HLA-DOA: variants seen among roughly 807,000 people sequenced by gnomAD.
HLA-DOA encodes HLA class II histocompatibility antigen, DO alpha chain.
Under a neutral mutation model 22.9 loss-of-function variants are expected in HLA-DOA, and 27 were observed. The observed-to-expected ratio is 1.18, with a 90% CI of 0.87 to 1.62. The LOEUF (loss-of-function observed/expected upper bound fraction) is 1.62. HLA-DOA is among the 40% of genes most tolerant of loss of function. HLA-DOA has a pLI of 0.00. For synonymous variants in HLA-DOA, 137 were observed against 138.6 expected (o/e 0.99, Z 0.08); for missense variants, 324 against 332.4 (o/e 0.97, Z 0.20).
In HLA-DOA at chr6:33,004,512, G is replaced by A. The variant is rs1780734703; in HGVS notation, c.*2326C>T. On this transcript the variant is annotated 3_prime_UTR_variant, in exon 5 of 5. Coordinates refer to ENST00000229829, the MANE Select transcript of HLA-DOA (RefSeq NM_002119.4). The stretch of plus-strand genomic sequence containing the variant: ...TATTTTTCCAGTAATTTAAAGCTGT[G>A]ACTAGGAGACACAGCCTCTGTGGGT... 6.6e-6 allele frequency: 1 copy of A among 152,216 alleles called. No individual in the cohort carries two copies. Among genetic ancestry groups the A allele is most frequent in the East Asian group, 1.9e-4 (1 of 5,198 alleles). 9.4% of individuals were successfully genotyped at this position (152,216 alleles called of 1,614,324 possible).
In HLA-DOA at chr6:33,009,432, ACCCTCCTCG is replaced by A. The variant is rs1376331072; in HGVS notation, c.82+14_82+22del. 1 of 1,542,350 alleles carries A rather than the reference ACCCTCCTCG, an allele frequency of 6.5e-7. No homozygotes were observed. Among genetic ancestry groups the A allele is most frequent in the Admixed American group, 1.9e-5 (1 of 51,394 alleles). On this transcript the variant is annotated intron_variant, in intron 1 of 4. Coordinates refer to ENST00000229829, the MANE Select transcript of HLA-DOA (RefSeq NM_002119.4). The surrounding 1 kb of genome is among the most constrained non-coding windows in gnomAD (Gnocchi z 4.8). ...TCCGTAAATCTCTGCTCCCCGCCGCACCCTCCTCGCCCTCGCACTCACCCTTGGTGGCCC... is the reference window on the plus strand; with the variant it reads ...TCCGTAAATCTCTGCTCCCCGCCGCACCCTCGCACTCACCCTTGGTGGCCC...
chr6:33,006,794 A>C lies in HLA-DOA; in HGVS notation c.*44T>G. The C allele has an allele frequency of 6.2e-7, 1 of 1,613,002 alleles. No individual in the cohort carries two copies. Among genetic ancestry groups the C allele is most frequent in the Non-Finnish European group, 8.5e-7 (1 of 1,179,966 alleles). ...CAGGGGCTGTCACAAACCCATGAGG[A>C]TCTGCAGGGTGTCTCCCACAAGTCA... On this transcript the variant is annotated 3_prime_UTR_variant, in exon 5 of 5. Coordinates refer to ENST00000229829, the MANE Select transcript of HLA-DOA (RefSeq NM_002119.4).
chr6:33,009,056 CAA>C lies in HLA-DOA; in HGVS notation c.82+397_82+398del, dbSNP rs1448859365. Among the ~76,000 whole-genome samples, 6 of 152,162 alleles carry C rather than the reference CAA, an allele frequency of 3.9e-5. No homozygotes were observed. The highest frequency in any genetic ancestry group is 4.4e-5 in the Non-Finnish European group (3 of 68,038). On this transcript the variant is annotated intron_variant, in intron 1 of 4. Coordinates refer to ENST00000229829, the MANE Select transcript of HLA-DOA (RefSeq NM_002119.4). The surrounding 1 kb of genome is among the most constrained non-coding windows in gnomAD (Gnocchi z 4.8). The stretch of plus-strand genomic sequence containing the variant: ...ACCCCAGCTCATGTCTCCCGAAGAA[CAA>C]AGACAGGTAAATAGTTAACTACCGG...
At position 33,007,070 on chromosome 6, in the gene HLA-DOA, G is replaced by T. The variant is rs774050014; in HGVS notation, c.749+10C>A. The stretch of plus-strand genomic sequence containing the variant: ...CTCCCCCACCCCCCAGACTCCCGGG[G>T]CCTCTGCACCTGGGGACACTGGACA... On this transcript the variant is annotated intron_variant, in intron 4 of 4. Coordinates refer to ENST00000229829, the MANE Select transcript of HLA-DOA (RefSeq NM_002119.4). The T allele has an allele frequency of 3.1e-6, 5 of 1,604,686 alleles. No homozygotes were observed. The highest frequency in any genetic ancestry group is 1.7e-5 in the Admixed American group (1 of 58,756).
At position 33,007,223 on chromosome 6, in the gene HLA-DOA, A is replaced by G. The variant is rs771229752; in HGVS notation, c.614-8T>C. ...GAATAGGCACCTGGAGCTCTAGGAG[A>G]GAAAGGAAGGAGTTGGTGGTATATG... On this transcript the variant is annotated splice_region_variant and splice_polypyrimidine_tract_variant and intron_variant, in intron 3 of 4. Coordinates refer to ENST00000229829, the MANE Select transcript of HLA-DOA (RefSeq NM_002119.4). 2.5e-6 allele frequency: 4 copies of G among 1,613,510 alleles called. No homozygotes were observed. Among genetic ancestry groups the G allele is most frequent in the South Asian group, 2.2e-5 (2 of 91,088 alleles).
Position 33,007,600 on chromosome 6 carries a change from G to A in HLA-DOA, c.332-8C>T, listed in dbSNP as rs1452364469. ...CGGTCACCCGTGGAGGCACTAGGAG[G>A]AACAGGCCCTGAGTCCACAGGCTCA... On this transcript the variant is annotated splice_polypyrimidine_tract_variant and splice_region_variant and intron_variant, in intron 2 of 4. Transcript: ENST00000229829. The A allele has an allele frequency of 1.2e-6, 2 of 1,607,460 alleles. No homozygotes were observed. Among genetic ancestry groups the A allele is most frequent in the South Asian group, 1.1e-5 (1 of 90,018 alleles).
chr6:33,008,443 G>C, intron 1 of HLA-DOA, 182 bp from the exon 2 acceptor site: 1 of 1,415,228 alleles, frequency 7.1e-7, no homozygotes, highest in Non-Finnish European at 9.2e-7. Context: ...GAAGAAAGAG[G>C]CTCATCCCAG....
Position 33,006,427 on chromosome 6 carries a change from C to G in HLA-DOA, c.*411G>C, listed in dbSNP as rs1285364199. On this transcript the variant is annotated 3_prime_UTR_variant, in exon 5 of 5. Transcript: ENST00000229829. ...ATTTCATGAAGTCCATGTGAAATGGCTCATTCACAAAGTAACACACAATGG... is the reference window on the plus strand; with the variant it reads ...ATTTCATGAAGTCCATGTGAAATGGGTCATTCACAAAGTAACACACAATGG... 3 of 311,024 alleles carry G rather than the reference C, an allele frequency of 9.6e-6. No homozygotes were observed. The highest frequency in any genetic ancestry group is 1.8e-5 in the Non-Finnish European group (3 of 164,002). 19.3% of individuals were successfully genotyped at this position (311,024 alleles called of 1,614,324 possible).
At position 33,007,576 on chromosome 6, in the gene HLA-DOA, G is replaced by T; in HGVS notation, c.348C>A (p.Thr116=). The T allele has an allele frequency of 6.2e-7, 1 of 1,611,710 alleles. No individual in the cohort carries two copies. Among genetic ancestry groups the T allele is most frequent in the Middle Eastern group, 1.7e-4 (1 of 6,056 alleles). The change falls in exon 3 of 5, where the codon ACC becomes ACA. Residue 116 remains threonine, a synonymous_variant. Transcript: ENST00000229829. ...GCTCCACCCGAGACTTGGGGAGCACGGTCACCCGTGGAGGCACTAGGAGGA... is the reference window on the plus strand; with the variant it reads ...GCTCCACCCGAGACTTGGGGAGCACTGTCACCCGTGGAGGCACTAGGAGGA... ...SRAINVPPRV[T]VLPKSRVELG...
intron 2 of HLA-DOA, 50 bp from the exon 3 acceptor site, chr6:33,007,642 C>A: frequency 6.4e-7 from 1 of 1,556,016 alleles, no homozygotes; most frequent in Non-Finnish European, 8.7e-7. Flanking sequence ...ACCCCAGGGC[C>A]TTACTAGGAC....
At position 33,006,109 on chromosome 6, in the gene HLA-DOA, G is replaced by A. The variant is rs138005521; in HGVS notation, c.*729C>T. On this transcript the variant is annotated 3_prime_UTR_variant, in exon 5 of 5. Coordinates refer to ENST00000229829, the MANE Select transcript of HLA-DOA (RefSeq NM_002119.4). ...CCTCTTACGAGATACCTCGCAGACC[G>A]ACTCTACCACCTCCTACCTAACATG... 3.9e-5 allele frequency: 6 copies of A among 152,346 alleles called. No homozygotes were observed. Among genetic ancestry groups the A allele is most frequent in the South Asian group, 4.1e-4 (2 of 4,828 alleles). The allele number at this position is 152,346 out of a possible 1,614,324, so 9.4% of individuals were successfully genotyped here.
rs767752263 is a variant in HLA-DOA at position 33,007,473 on chromosome 6, C to T, written c.451G>A (p.Gly151Ser). 25 of 1,612,150 alleles carry T rather than the reference C, an allele frequency of 1.6e-5. No homozygotes were observed. Among genetic ancestry groups the T allele is most frequent in the South Asian group, 2.2e-5 (2 of 90,908 alleles). The change falls in exon 3 of 5, where the codon GGC becomes AGC. Residue 151 changes from glycine (G) to serine (S), a missense_variant. By Grantham distance (56) the Gly-to-Ser change is moderately conservative (BLOSUM62 0). Transcript: ENST00000229829. The stretch of plus-strand genomic sequence containing the variant: ...GCCACTCCCTCAGTGACAGTTTGGC[C>T]GTTGCGCAGCCAGGTGATATTGATC... ...PVINITWLRNGQTVTEGVAQT... is the reference protein window; with the variant it reads ...PVINITWLRNSQTVTEGVAQT...
intron 1 of HLA-DOA, chr6:33,008,469 A>C (rs1780926131): frequency 7.5e-7 from 1 of 1,340,114 alleles, no homozygotes; most frequent in South Asian, 1.6e-5. Context: ...TGCAGTCGGC[A>C]CAGAGACAGT....
intron 2 of HLA-DOA, 79 bp from the exon 3 acceptor site, chr6:33,007,671 C>A: frequency 6.7e-7 from 1 of 1,490,268 alleles, no homozygotes; most frequent in South Asian, 1.3e-5. Flanking sequence ...AGGGACGTTC[C>A]CCCTTTGTAG....
In HLA-DOA at chr6:33,007,106, C is replaced by T. The variant is rs142612904; in HGVS notation, c.723G>A (p.Met241Ile). The T allele has an allele frequency of 9.3e-6, 15 of 1,613,604 alleles. No homozygotes were observed. The Admixed American group carries it at 2.0e-4, about 22-fold the overall frequency. The part of the protein sequence containing the change: ...GFLVGTVLII[M>I]GTYVSSVPR ...TGGGGACACTGGACACATATGTGCCCATGATGATGAGGACGGTGCCCACGA... is the reference window on the plus strand; with the variant it reads ...TGGGGACACTGGACACATATGTGCCTATGATGATGAGGACGGTGCCCACGA... The change falls in exon 4 of 5, where the codon ATG becomes ATA. Residue 241 changes from methionine to isoleucine, a missense_variant. Met to Ile is a conservative substitution (Grantham distance 10, BLOSUM62 1). Transcript: ENST00000229829.
chr6:33,007,674 C>T, intron 2 of HLA-DOA, 82 bp from the exon 3 acceptor site: 1 of 1,474,826 alleles, frequency 6.8e-7, no homozygotes, highest in South Asian at 1.3e-5. Context: ...GACGTTCCCC[C>T]TTTGTAGCCA....
Position 33,007,333 on chromosome 6 carries a change from A to T in HLA-DOA, c.591T>A (p.Asp197Glu), listed in dbSNP as rs1449369692. ...YDCQVEHWGL[D>E]APLLRHWELQ... ...TACCCCAATGCCTGAGGAGTGGCGC[A>T]TCCAGGCCCCAGTGCTCCACCTGGC... is the stretch of plus-strand genomic sequence containing the variant. The change falls in exon 3 of 5, where the codon GAT becomes GAA. Residue 197 changes from aspartate (D) to glutamate (E), a missense_variant. Physicochemically the swap from Asp to Glu is conservative, Grantham distance 45. Transcript: ENST00000229829. 2 of 1,612,216 alleles carry T rather than the reference A, an allele frequency of 1.2e-6. No individual in the cohort carries two copies. Among genetic ancestry groups the T allele is most frequent in the Middle Eastern group, 1.6e-4 (1 of 6,074 alleles).
intron 2 of HLA-DOA, 143 bp downstream of exon 2, chr6:33,007,869 TG>T: frequency 8.4e-7 from 1 of 1,185,434 alleles, no homozygotes; most frequent in Non-Finnish European, 1.2e-6. Flanking sequence ...TGGGAAGACC[TG>T]GAGCCTCCTG....
chr6:33,006,505 C>A lies in HLA-DOA; in HGVS notation c.*333G>T. On this transcript the variant is annotated 3_prime_UTR_variant, in exon 5 of 5. Transcript: ENST00000229829. ...GGGCCCCAGGATGGCTGCCAATCCC[C>A]AGCACCACATGCCTCACCCCTGGAA... is the stretch of plus-strand genomic sequence containing the variant. 4.0e-5 allele frequency: 21 copies of A among 527,140 alleles called. No individual in the cohort carries two copies. The South Asian group carries it at 5.0e-4, about 13-fold the overall frequency. The allele number at this position is 527,140 out of a possible 1,614,324, so 32.7% of individuals were successfully genotyped here. A position where few individuals can be genotyped will look rare whatever the true frequency, so the allele number is the denominator to read the frequency against.
Sources: allele counts gnomAD v4.1 joint callset (sites outside exome capture counted in the v4.1 genomes callset), GRCh38; gene constraint gnomAD v4.1.1; non-coding constraint Gnocchi (gnomAD v3.1); transcripts MANE v1.5; gene names NCBI Gene and HGNC (gene_info 2026-07-23, HGNC 2026-07-21).